Variants in TCF20 observed in about 807,000 individuals in gnomAD.
The protein encoded by TCF20 is SPRE-binding protein.
TCF20 carries 3 observed loss-of-function variants against 148.6 expected under a neutral mutation model. The ratio of observed to expected loss-of-function variants is 0.02; its 90% CI spans 0.01 to 0.05. The LOEUF is 0.05. Among genes scored for constraint, TCF20 ranks in the 10% least tolerant of loss-of-function variants. The pLI, the probability that TCF20 is intolerant of heterozygous loss-of-function variation, is 1.00. For missense variants in TCF20, 2,350 were observed against 2,429.3 expected (o/e 0.97, Z 0.69); for synonymous variants, 1,049 against 909.5 (o/e 1.15, Z -2.76).
intron 1 of TCF20, among the ~76,000 whole-genome samples, chr22:42,318,594 G>T (rs1366729658): frequency 6.6e-6 from 1 of 152,108 alleles, no homozygotes; most frequent in Admixed American, 6.5e-5. Context: ...GAGTCAGGAT[G>T]CCGCCCTCTG....
chr22:42,201,574 C>T (rs1404666783), intron 2 of TCF20, among the ~76,000 whole-genome samples: 1 of 152,104 alleles, frequency 6.6e-6, no homozygotes, highest in Non-Finnish European at 1.5e-5. Context: ...TCGAGATCAG[C>T]CTCGCCAACA....
intron 1 of TCF20, among the ~76,000 whole-genome samples, chr22:42,230,305 C>T (rs1432454916): frequency 2.0e-5 from 3 of 152,198 alleles, no homozygotes; most frequent in Non-Finnish European, 2.9e-5. Context: ...TGTCATAATG[C>T]AACATATTAC....
chr22:42,310,482 C>T (rs1464559293), intron 1 of TCF20, among the ~76,000 whole-genome samples: 1 of 151,722 alleles, frequency 6.6e-6, no homozygotes, highest in Non-Finnish European at 1.5e-5. Flanking sequence ...TCGACAATAA[C>T]AGGAATCCAG....
chr22:42,219,851 G>A (rs1456146489), intron 1 of TCF20, among the ~76,000 whole-genome samples: 3 of 152,030 alleles, frequency 2.0e-5, no homozygotes, highest in African/African-American at 4.8e-5. Flanking sequence ...GCGAGATTCC[G>A]TCTCAATAAA....
At chr22:42,264,959 C>G (rs1458098489) in intron 1 of TCF20, among the ~76,000 whole-genome samples, 1 of 152,222 alleles carries the variant, frequency 6.6e-6, no homozygotes, top group Non-Finnish European at 1.5e-5. Context: ...TGAATTTCTA[C>G]TCTTTCCTAT....
At chr22:42,270,855 G>A (rs1241862123), upstream of TCF20, among the ~76,000 whole-genome samples, 3 of 150,350 alleles carry the variant, frequency 2.0e-5, no homozygotes, top group Admixed American at 2.0e-4. Context: ...CCCACCTCGC[G>A]GCAGGGTCGC....
At position 42,261,594 on chromosome 22, in the gene TCF20, C is replaced by CA. The variant is rs552746727; in HGVS notation, c.-37+8744dup. On this transcript the variant is annotated intron_variant, in intron 1 of 5. Transcript: ENST00000677622. ...GACCTTTGTGGATGCACTCAGGATA[C>CA]ATTCCTCCTTGCCCCATCCCCTTTG... Among the ~76,000 whole-genome samples the CA allele has an allele frequency of 4.8e-3, 726 of 152,206 alleles. 7 individuals carry two copies. The highest frequency in any genetic ancestry group is 0.017 in the African/African-American group (692 of 41,498).
At chr22:42,255,006 G>C (rs989635806) in intron 1 of TCF20, among the ~76,000 whole-genome samples, 7 of 144,922 alleles carry the variant, frequency 4.8e-5, no homozygotes, top group Non-Finnish European at 9.0e-5. Flanking sequence ...GATTAGAGGT[G>C]AGAGTTTTTC....
chr22:42,340,316 G>A (rs1928142325), intron 1 of TCF20, among the ~76,000 whole-genome samples: 1 of 152,184 alleles, frequency 6.6e-6, no homozygotes, highest in Admixed American at 6.5e-5. Context: ...GCCTGTTCTG[G>A]ATGAATGAAT....
chr22:42,225,584 G>A (rs190443391), intron 1 of TCF20, among the ~76,000 whole-genome samples: 3,199 of 143,306 alleles, frequency 0.022, 46 homozygotes, highest in Middle Eastern at 0.034. Context: ...ACTGCAGTCC[G>A]CAGTCCGGCC....
chr22:42,318,933 A>G (rs1047599166), intron 1 of TCF20, among the ~76,000 whole-genome samples: 5 of 152,256 alleles, frequency 3.3e-5, no homozygotes, highest in East Asian at 1.9e-4. Context: ...CACCTGCCCA[A>G]TGGAGCTTAG....
chr22:42,265,645 G>C (rs1926245068), intron 1 of TCF20, among the ~76,000 whole-genome samples: 2 of 152,306 alleles, frequency 1.3e-5, no homozygotes, highest in South Asian at 4.1e-4. Flanking sequence ...GCCCCAGACA[G>C]AATGAATGAG....
At chr22:42,295,442 CTTTT>C (rs869294446) in intron 1 of TCF20, among the ~76,000 whole-genome samples, 3 of 134,628 alleles carry the variant, frequency 2.2e-5, no homozygotes, top group East Asian at 2.1e-4. Context: ...GTTTTCTTTT[CTTTT>C]TTTTTTTTTT....
intron 1 of TCF20, among the ~76,000 whole-genome samples, chr22:42,253,137 T>G: frequency 6.6e-6 from 1 of 152,202 alleles, no homozygotes; most frequent in East Asian, 1.9e-4. Flanking sequence ...AAATTTCCTA[T>G]TTCCCTATTC....
intron 1 of TCF20, among the ~76,000 whole-genome samples, chr22:42,244,439 A>C (rs1188677704): frequency 2.0e-5 from 3 of 152,240 alleles, no homozygotes; most frequent in Admixed American, 2.0e-4. Context: ...CATAAAACTG[A>C]GTATGTATTC....
chr22:42,301,083 G>A (rs566772520), intron 1 of TCF20, among the ~76,000 whole-genome samples: 1 of 152,136 alleles, frequency 6.6e-6, no homozygotes, highest in South Asian at 2.1e-4. Context: ...CATGGCATCT[G>A]CACTTACCAG....
rs1244991614 is a variant in TCF20, at chr22:42,190,786, C to CT, written c.5656-11085dup. Among the ~76,000 whole-genome samples, 4 of 1,518 alleles carry CT rather than the reference C, an allele frequency of 2.6e-3. No homozygotes were observed. The East Asian group carries it at 0.08, about 30-fold the overall frequency. 1.0% of individuals were successfully genotyped at this position (1,518 alleles called of 152,430 possible). On this transcript the variant is annotated intron_variant, in intron 2 of 5. Coordinates refer to ENST00000677622, the MANE Select transcript of TCF20 (RefSeq NM_001378418.1). ...TCAGCTATCTGCTTTACTATGTACA[C>CT]TTTATTGATGTTTAAGTAACATGTG...
intron 2 of TCF20, among the ~76,000 whole-genome samples, chr22:42,189,224 G>A (rs374740676): frequency 1.1e-4 from 16 of 152,324 alleles, no homozygotes; most frequent in African/African-American, 3.6e-4. Context: ...AGGTAAAACC[G>A]ACAGGACTTG....
intron 1 of TCF20, among the ~76,000 whole-genome samples, chr22:42,242,821 A>G (rs1267217031): frequency 1.3e-5 from 2 of 152,130 alleles, no homozygotes; most frequent in Admixed American, 6.6e-5. Context: ...CAGGAGGCAG[A>G]GGTTGCAGTG....
Sources: allele counts gnomAD v4.1 joint callset (sites outside exome capture counted in the v4.1 genomes callset), GRCh38; gene constraint gnomAD v4.1.1; transcripts MANE v1.5; gene names NCBI Gene and HGNC (gene_info 2026-07-23, HGNC 2026-07-21).